SMAD2: variants seen among roughly 807,000 people sequenced by gnomAD.
The protein encoded by SMAD2 is SMAD family member 2.
Under a neutral mutation model 64.4 loss-of-function variants are expected in SMAD2, and 8 were observed. The ratio of observed to expected loss-of-function variants is 0.12; its 90% CI spans 0.07 to 0.22. SMAD2 has a LOEUF of 0.22. Among genes scored for constraint, SMAD2 ranks in the 10% least tolerant of loss-of-function variants. The pLI is 1.00. For missense variants in SMAD2, 289 were observed against 561.2 expected (o/e 0.51, Z 4.90); for synonymous variants, 203 against 195.8 (o/e 1.04, Z -0.31).
intron 1 of SMAD2, among the ~76,000 whole-genome samples, chr18:47,900,775 T>C (rs930287711): frequency 2.0e-5 from 3 of 152,200 alleles, no homozygotes; most frequent in Non-Finnish European, 2.9e-5. Context: ...TAGATCATTG[T>C]AGTTCACCTT....
intron 6 of SMAD2, among the ~76,000 whole-genome samples, chr18:47,861,914 C>G (rs1394686458): frequency 3.3e-5 from 5 of 152,194 alleles, no homozygotes; most frequent in Admixed American, 1.3e-4. Flanking sequence ...GAGTTAAATG[C>G]TATTATTGTC....
At chr18:47,919,788 C>T (rs1224219058) in intron 1 of SMAD2, among the ~76,000 whole-genome samples, 1 of 151,940 alleles carries the variant, frequency 6.6e-6, no homozygotes, top group Non-Finnish European at 1.5e-5. Context: ...CAGCTTTGTA[C>T]CACTCTTTAC....
intron 5 of SMAD2, chr18:47,867,220 T>C (rs2031625938): frequency 6.6e-6 from 1 of 152,150 alleles, no homozygotes; most frequent in Admixed American, 6.6e-5. Flanking sequence ...AAAGCAGCTT[T>C]AAATCCTCTT....
rs753975490 is a variant in SMAD2, at chr18:47,841,212, T to A, written c.*615A>T. On this transcript the variant is annotated 3_prime_UTR_variant, in exon 11 of 11. Coordinates refer to ENST00000262160, the MANE Select transcript of SMAD2 (RefSeq NM_005901.6). ...GACTGTTTAAGCCCCACTGAACACA[T>A]TAAGGTCAAGGATTTCAAAAGTTAA... 2 of 232,150 alleles carry A rather than the reference T, an allele frequency of 8.6e-6. No individual in the cohort carries two copies. The highest frequency in any genetic ancestry group is 1.7e-5 in the Non-Finnish European group (2 of 117,944). 14.4% of individuals were successfully genotyped at this position (232,150 alleles called of 1,614,324 possible). A position where few individuals can be genotyped will look rare whatever the true frequency, so the allele number is the denominator to read the frequency against.
chr18:47,862,769 A>C (rs1262065602), intron 6 of SMAD2, among the ~76,000 whole-genome samples: 3 of 152,232 alleles, frequency 2.0e-5, no homozygotes, highest in African/African-American at 7.2e-5. Flanking sequence ...TACAAAACTG[A>C]ATTGTGAGTT....
intron 4 of SMAD2, 45 bp downstream of exon 4, chr18:47,869,198 A>G (rs747979236): frequency 7.2e-7 from 1 of 1,397,532 alleles, no homozygotes; most frequent in Non-Finnish European, 1.0e-6. Flanking sequence ...ACTGAAGTTC[A>G]GGCATTTAAT....
At chr18:47,916,442 A>T (rs887124205) in intron 1 of SMAD2, among the ~76,000 whole-genome samples, 2 of 151,970 alleles carry the variant, frequency 1.3e-5, no homozygotes, top group Non-Finnish European at 2.9e-5. Context: ...TTTGAGACAG[A>T]GTCTCACTCT....
rs1384595172 is a variant in SMAD2, at chr18:47,818,902, T to C, written c.*22925A>G. The C allele has an allele frequency of 6.6e-6, 1 of 152,248 alleles. No homozygotes were observed. The allele number at this position is 152,248 out of a possible 1,614,324, so 9.4% of individuals were successfully genotyped here. ...AAATATAATTTGAATCCAATAACTG[T>C]CTTTTATAAACCAGCAAGCCTGTAT... On this transcript the variant is annotated 3_prime_UTR_variant, in exon 11 of 11. Coordinates refer to ENST00000262160, the MANE Select transcript of SMAD2 (RefSeq NM_005901.6).
chr18:47,864,236 A>G (rs545426910), intron 6 of SMAD2, among the ~76,000 whole-genome samples: 58 of 152,302 alleles, frequency 3.8e-4, no homozygotes, highest in African/African-American at 1.4e-3. Flanking sequence ...ATGTATGATT[A>G]GCTACAGCAG....
chr18:47,915,900 G>A (rs999740053), intron 1 of SMAD2, among the ~76,000 whole-genome samples: 1 of 152,032 alleles, frequency 6.6e-6, no homozygotes, highest in Non-Finnish European at 1.5e-5. Context: ...GAATTATACC[G>A]TATGTACTCT....
chr18:47,905,458 CAAA>C (rs912023478), intron 1 of SMAD2, among the ~76,000 whole-genome samples: 1 of 138,086 alleles, frequency 7.2e-6, no homozygotes, highest in Non-Finnish European at 1.6e-5. Context: ...CATATGGAAA[CAAA>C]AAAAAAAACT....
intron 6 of SMAD2, among the ~76,000 whole-genome samples, chr18:47,852,100 A>G (rs2030160062): frequency 6.6e-6 from 1 of 152,114 alleles, no homozygotes. Context: ...TGTTTATATT[A>G]TATTTCCTTC....
At chr18:47,880,620 T>G (rs1293363658) in intron 2 of SMAD2, among the ~76,000 whole-genome samples, 4 of 152,226 alleles carry the variant, frequency 2.6e-5, no homozygotes, top group African/African-American at 4.8e-5. Context: ...AATTCCAACA[T>G]GTAGGTCTTC....
rs1184784938 is a variant in SMAD2, at chr18:47,822,108, TTATGAG to T, written c.*19713_*19718del. On this transcript the variant is annotated 3_prime_UTR_variant, in exon 11 of 11. Coordinates refer to ENST00000262160, the MANE Select transcript of SMAD2 (RefSeq NM_005901.6). ...GATGTAATACTAGACACAGTTACAT[TTATGAG>T]TATGTTATTGATATGAGTGTTCCAA... 5 of 152,214 alleles carry T rather than the reference TTATGAG, an allele frequency of 3.3e-5. No homozygotes were observed. The highest frequency in any genetic ancestry group is 1.2e-4 in the African/African-American group (5 of 41,450). The allele number at this position is 152,214 out of a possible 1,614,324, so 9.4% of individuals were successfully genotyped here. A position where few individuals can be genotyped will look rare whatever the true frequency, so the allele number is the denominator to read the frequency against.
chr18:47,877,069 A>C (rs1310221313), intron 2 of SMAD2, among the ~76,000 whole-genome samples: 1 of 152,054 alleles, frequency 6.6e-6, no homozygotes, highest in Non-Finnish European at 1.5e-5. Flanking sequence ...TGCAAGATTT[A>C]CTGCTGCAGT....
chr18:47,916,742 A>G (rs1193173028), intron 1 of SMAD2, among the ~76,000 whole-genome samples: 1 of 152,180 alleles, frequency 6.6e-6, no homozygotes, highest in Non-Finnish European at 1.5e-5. Context: ...AATCTAGTGA[A>G]GTTTCTAATT....
intron 3 of SMAD2, among the ~76,000 whole-genome samples, chr18:47,869,833 G>C (rs764877784): frequency 2.6e-5 from 4 of 152,118 alleles, no homozygotes; most frequent in Non-Finnish European, 4.4e-5. Context: ...GTCAGAAAAG[G>C]AACTAGTGTG....
rs1471639831 is a variant in SMAD2, at chr18:47,818,489, T to G, written c.*23338A>C. 1 of 152,226 alleles carries G rather than the reference T, an allele frequency of 6.6e-6. No individual in the cohort carries two copies. The highest frequency in any genetic ancestry group is 2.4e-5 in the African/African-American group (1 of 41,460). 9.4% of individuals were successfully genotyped at this position (152,226 alleles called of 1,614,324 possible). ...GCAATAATATAAGGTATCTCTGGTA[T>G]AGCATAAAAATTGCTTGCCTGCTAT... On this transcript the variant is annotated 3_prime_UTR_variant, in exon 11 of 11. Coordinates refer to ENST00000262160, the MANE Select transcript of SMAD2 (RefSeq NM_005901.6).
rs1327638966 is a variant in SMAD2 at position 47,840,320 on chromosome 18, C to G, written c.*1507G>C. Reference sequence around the variant, plus strand: ...GTTATTTTCCATTTCTACTAAGATGCAAACAAGAAGAAATGTTTAAACTGC... The same window carrying G: ...GTTATTTTCCATTTCTACTAAGATGGAAACAAGAAGAAATGTTTAAACTGC... On this transcript the variant is annotated 3_prime_UTR_variant, in exon 11 of 11. Coordinates refer to ENST00000262160, the MANE Select transcript of SMAD2 (RefSeq NM_005901.6). 4.3e-6 allele frequency: 1 copy of G among 232,612 alleles called. No individual in the cohort carries two copies. The highest frequency in any genetic ancestry group is 2.2e-5 in the African/African-American group (1 of 45,282). The allele number at this position is 232,612 out of a possible 1,614,324, so 14.4% of individuals were successfully genotyped here.
Sources: gnomAD v4.1 joint callset for allele counts (sites outside exome capture counted in the v4.1 genomes callset) on GRCh38, gnomAD v4.1.1 for gene constraint, MANE v1.5 for transcripts, NCBI Gene and HGNC (gene_info 2026-07-23, HGNC 2026-07-21) for gene names.